Variants in MAST4 observed in about 807,000 individuals in gnomAD.
The protein encoded by MAST4 is microtubule associated serine/threonine kinase family member 4.
In MAST4, 89 loss-of-function variants were observed where a neutral mutation model predicts 162.7. That is an observed-to-expected ratio of 0.55 (90% CI 0.46 to 0.65). MAST4 has a LOEUF of 0.65. MAST4 is among the 30% of genes least tolerant of loss of function. MAST4 has a pLI of 0.00. For missense variants in MAST4, 3,153 were observed against 3,374.0 expected, an observed-to-expected ratio of 0.93 and a Z score of 1.62; for synonymous variants, 1,479 against 1,361.1, an observed-to-expected ratio of 1.09 and a Z score of -1.91.
At chr5:66,801,445 G>A (rs1376504244) in intron 3 of MAST4, among the ~76,000 whole-genome samples, 2 of 152,188 alleles carry the variant, frequency 1.3e-5, no homozygotes, top group South Asian at 2.1e-4. Flanking sequence ...CATATGAAAT[G>A]TTCTAAAACC....
At chr5:66,630,600 A>G (rs1275439479) in intron 1 of MAST4, among the ~76,000 whole-genome samples, 1 of 152,194 alleles carries the variant, frequency 6.6e-6, no homozygotes, top group East Asian at 1.9e-4. Context: ...CACATATTAT[A>G]TATATTATTT....
intron 3 of MAST4, among the ~76,000 whole-genome samples, chr5:66,794,316 G>T (rs1361799132): frequency 6.6e-6 from 1 of 152,212 alleles, no homozygotes; most frequent in East Asian, 1.9e-4. Context: ...AGGGCTGACT[G>T]TGTAGACTTC....
chr5:66,927,265 T>C (rs1561452636), intron 4 of MAST4, among the ~76,000 whole-genome samples: 5 of 152,190 alleles, frequency 3.3e-5, no homozygotes. Context: ...ATATTTGACC[T>C]TGTTGAATCC....
intron 10 of MAST4, among the ~76,000 whole-genome samples, chr5:67,109,402 G>A (rs1195144652): frequency 6.6e-6 from 1 of 151,960 alleles, no homozygotes; most frequent in Non-Finnish European, 1.5e-5. Context: ...CTGTGTATTA[G>A]GTGTACATGA....
Position 67,087,725 on chromosome 5 carries a change from T to C in MAST4, c.764-2437T>C, listed in dbSNP as rs184685170. On this transcript the variant is annotated intron_variant, in intron 5 of 28. Coordinates refer to ENST00000403625, the MANE Select transcript of MAST4 (RefSeq NM_001164664.2). ...AGTTAAGAGCCTTAATGATAATTCA[T>C]ATGTGTATGTATATGTGTGTATACG... 7.2e-5 allele frequency among the ~76,000 whole-genome samples: 11 copies of C among 152,374 alleles called. No individual in the cohort carries two copies. The East Asian group carries it at 2.1e-3, about 29-fold the overall frequency.
At chr5:66,814,506 C>A (rs1381929505) in intron 3 of MAST4, among the ~76,000 whole-genome samples, 1 of 152,150 alleles carries the variant, frequency 6.6e-6, no homozygotes, top group Non-Finnish European at 1.5e-5. Context: ...GGGACAGGCT[C>A]CGCATTTCTC....
At chr5:66,858,578 T>G (rs965050723) in intron 3 of MAST4, among the ~76,000 whole-genome samples, 5 of 152,250 alleles carry the variant, frequency 3.3e-5, no homozygotes, top group African/African-American at 1.2e-4. Context: ...AACTGCAGTT[T>G]TGTAATCAAT....
intron 1 of MAST4, among the ~76,000 whole-genome samples, chr5:66,734,872 TGCA>T (rs1752070033): frequency 6.6e-6 from 1 of 152,214 alleles, no homozygotes; most frequent in Non-Finnish European, 1.5e-5. Context: ...CCCCACCCCT[TGCA>T]GTGTTGTTCT....
chr5:66,950,883 A>G (rs767015032), intron 4 of MAST4, among the ~76,000 whole-genome samples: 3 of 152,112 alleles, frequency 2.0e-5, no homozygotes, highest in Non-Finnish European at 4.4e-5. Flanking sequence ...CGGCTGCACC[A>G]TTTTACATTT....
chr5:67,053,616 C>T (rs1758443919), intron 4 of MAST4, among the ~76,000 whole-genome samples: 1 of 152,164 alleles, frequency 6.6e-6, no homozygotes, highest in African/African-American at 2.4e-5. Context: ...CACCCATCCG[C>T]CAGTTTTGTA....
At chr5:66,927,163 A>G (rs1764964890) in intron 4 of MAST4, among the ~76,000 whole-genome samples, 2 of 152,188 alleles carry the variant, frequency 1.3e-5, no homozygotes, top group Non-Finnish European at 2.9e-5. Flanking sequence ...TGTCTTCCAG[A>G]CAGATCCTGT....
intron 4 of MAST4, among the ~76,000 whole-genome samples, chr5:67,033,638 A>G (rs1755657483): frequency 6.6e-6 from 1 of 152,114 alleles, no homozygotes; most frequent in African/African-American, 2.4e-5. Context: ...TTGTTACATT[A>G]CAGTGATCTA....
chr5:67,165,419 A>G lies in MAST4; in HGVS notation c.6240A>G (p.Glu2080=), dbSNP rs1373306522. ...KELGKVRRGV[E]PKPEALLARR... is the part of the protein sequence containing the mutation. ...TGGGCAAGGTGAGGCGTGGCGTGGAACCCAAGCCCGAAGCGCTTCTTGCCA... is the reference window on the plus strand; with the variant it reads ...TGGGCAAGGTGAGGCGTGGCGTGGAGCCCAAGCCCGAAGCGCTTCTTGCCA... The change falls in exon 29 of 29, where the codon GAA becomes GAG. Residue 2080 remains glutamate, a synonymous_variant. Coordinates refer to ENST00000403625, the MANE Select transcript of MAST4 (RefSeq NM_001164664.2). 6.2e-7 allele frequency: 1 copy of G among 1,613,690 alleles called. No homozygotes were observed. The highest frequency in any genetic ancestry group is 8.5e-7 in the Non-Finnish European group (1 of 1,179,882).
chr5:66,803,251 A>G (rs1454138362), intron 3 of MAST4, among the ~76,000 whole-genome samples: 3 of 152,206 alleles, frequency 2.0e-5, no homozygotes, highest in Admixed American at 6.5e-5. Flanking sequence ...CGGTCAATCC[A>G]TCTGTCCCTG....
At chr5:67,063,544 CT>C (rs1759878484) in intron 5 of MAST4, among the ~76,000 whole-genome samples, 1 of 151,756 alleles carries the variant, frequency 6.6e-6, no homozygotes, top group African/African-American at 2.4e-5. Flanking sequence ...TTATTCTCTC[CT>C]TTATTATAAA....
At chr5:66,822,823 T>A (rs1757058953) in intron 3 of MAST4, among the ~76,000 whole-genome samples, 1 of 152,214 alleles carries the variant, frequency 6.6e-6, no homozygotes, top group Admixed American at 6.5e-5. Context: ...AAGCACTGTT[T>A]CCTTCTTTGT....
At chr5:67,106,457 AC>A (rs1194809614) in intron 10 of MAST4, among the ~76,000 whole-genome samples, 1 of 152,070 alleles carries the variant, frequency 6.6e-6, no homozygotes, top group Non-Finnish European at 1.5e-5. Flanking sequence ...CTCTGAGAAT[AC>A]TAGACTCCCT....
chr5:66,992,639 G>C (rs1750187327), intron 4 of MAST4, among the ~76,000 whole-genome samples: 1 of 152,176 alleles, frequency 6.6e-6, no homozygotes, highest in Admixed American at 6.5e-5. Flanking sequence ...TTGATTGTCT[G>C]TGCAATACAG....
intron 1 of MAST4, among the ~76,000 whole-genome samples, chr5:66,605,231 T>C (rs1742808562): frequency 6.6e-6 from 1 of 152,148 alleles, no homozygotes; most frequent in Non-Finnish European, 1.5e-5. Flanking sequence ...GATACTTAGA[T>C]GCAGCCAAGA....
Sources: gnomAD v4.1 joint callset for allele counts (sites outside exome capture counted in the v4.1 genomes callset) on GRCh38, gnomAD v4.1.1 for gene constraint, MANE v1.5 for transcripts, NCBI Gene and HGNC (gene_info 2026-07-23, HGNC 2026-07-21) for gene names.